The following SCMH1 variants were observed in gnomAD, a reference collection of about 807,000 sequenced individuals.
SCMH1 encodes Scm polycomb group protein homolog 1.
In SCMH1, 37 loss-of-function variants were observed where a neutral mutation model predicts 70.8. The ratio of observed to expected loss-of-function variants is 0.52; its 90% CI spans 0.40 to 0.69. The LOEUF is 0.69. Ranked by LOEUF, SCMH1 falls within the 30% of genes least tolerant of loss-of-function variation. The probability of loss-of-function intolerance (pLI) is 0.00; values close to 1 mark genes in which losing one functional copy is unlikely to be tolerated. For synonymous variants in SCMH1, 292 were observed against 307.4 expected (o/e 0.95, Z 0.52); for missense variants, 607 against 827.3 (o/e 0.73, Z 3.27).
chr1:41,139,280 T>C (rs1011301516), intron 6 of SCMH1, among the ~76,000 whole-genome samples: 1 of 152,192 alleles, frequency 6.6e-6, no homozygotes, highest in Non-Finnish European at 1.5e-5. Flanking sequence ...TTGGCTCTGT[T>C]AGGCCCCCAT....
intron 9 of SCMH1, among the ~76,000 whole-genome samples, chr1:41,074,203 T>C (rs762747004): frequency 2.0e-5 from 3 of 151,710 alleles, no homozygotes; most frequent in Admixed American, 2.0e-4. Context: ...TTTCCAATAC[T>C]AGAATACTAG....
At chr1:41,124,365 CTG>C (rs1429867489) in intron 6 of SCMH1, among the ~76,000 whole-genome samples, 1 of 152,042 alleles carries the variant, frequency 6.6e-6, no homozygotes, top group Non-Finnish European at 1.5e-5. Flanking sequence ...TTCTTTAAAA[CTG>C]TTGATTTTTA....
chr1:41,191,837 G>A (rs564777938), intron 1 of SCMH1, among the ~76,000 whole-genome samples: 1 of 152,250 alleles, frequency 6.6e-6, no homozygotes, highest in South Asian at 2.1e-4. Context: ...GAGACAGAAT[G>A]AGAGAGAATG....
At chr1:41,156,755 A>G (rs560638163) in intron 4 of SCMH1, among the ~76,000 whole-genome samples, 49 of 151,994 alleles carry the variant, frequency 3.2e-4, no homozygotes, top group Non-Finnish European at 6.5e-4. Flanking sequence ...TAAGGGTGGG[A>G]TTAGTGGACA....
At chr1:41,070,670 T>C (rs1482708911) in exon 10 of SCMH1, 5 of 1,613,736 alleles carry the variant, frequency 3.1e-6, no homozygotes, top group Non-Finnish European at 4.2e-6. Context: ...GGTTCAGGAG[T>C]GCTGGTTGTT....
chr1:41,045,080 A>G (rs561246811), intron 12 of SCMH1, among the ~76,000 whole-genome samples: 2 of 152,336 alleles, frequency 1.3e-5, no homozygotes, highest in South Asian at 4.1e-4. Context: ...AATGTAGATC[A>G]GAGTTCCTGA....
rs1646910784 is a variant in SCMH1 at position 41,046,519 on chromosome 1, T to A, written c.1386A>T (p.Lys462Asn). Residue 462 changes from lysine (K) to asparagine (N), a missense_variant, in exon 12 of 15, where the codon AAA becomes AAT. Physicochemically the swap from Lys to Asn is moderately conservative, Grantham distance 94. Transcript: ENST00000337495. ...TGTCACTACGAAGGTTGTGGCAGAG[T>A]TTCTCCAGGAAGCGGAGGACGTAGG... The A allele has an allele frequency of 2.5e-6, 4 of 1,613,748 alleles. No homozygotes were observed. The South Asian group carries it at 4.4e-5, about 18-fold the overall frequency.
intron 6 of SCMH1, among the ~76,000 whole-genome samples, chr1:41,122,166 A>C (rs995071806): frequency 3.3e-5 from 5 of 152,170 alleles, no homozygotes; most frequent in African/African-American, 9.7e-5. Flanking sequence ...AAACAGATCT[A>C]AACTCTTTAT....
intron 1 of SCMH1, among the ~76,000 whole-genome samples, chr1:41,200,350 G>A (rs1654024904): frequency 6.6e-6 from 1 of 151,992 alleles, no homozygotes. Context: ...TGTGGTGGTA[G>A]GCACCTGTAG....
intron 2 of SCMH1, among the ~76,000 whole-genome samples, chr1:41,180,103 A>T (rs181473417): frequency 4.7e-4 from 71 of 152,378 alleles, no homozygotes; most frequent in African/African-American, 1.3e-3. Flanking sequence ...AACAGAACCA[A>T]CGACAAAAAC....
chr1:41,240,251 T>G (rs1370781625), intron 1 of SCMH1, among the ~76,000 whole-genome samples: 1 of 152,192 alleles, frequency 6.6e-6, no homozygotes, highest in Non-Finnish European at 1.5e-5. Context: ...TTGTCTAAGT[T>G]GTAAAAACAC....
At chr1:41,076,545 A>G (rs1440015124) in intron 8 of SCMH1, among the ~76,000 whole-genome samples, 1 of 152,196 alleles carries the variant, frequency 6.6e-6, no homozygotes, top group Non-Finnish European at 1.5e-5. Context: ...AAAATAACAC[A>G]ATATACGGTA....
At chr1:41,124,222 A>G (rs1672623716) in intron 6 of SCMH1, among the ~76,000 whole-genome samples, 1 of 152,140 alleles carries the variant, frequency 6.6e-6, no homozygotes, top group Admixed American at 6.5e-5. Flanking sequence ...GAACTATATG[A>G]AAGTTGGAGA....
chr1:41,071,676 T>C (rs921527935), intron 9 of SCMH1, among the ~76,000 whole-genome samples: 22 of 151,778 alleles, frequency 1.4e-4, no homozygotes, highest in Admixed American at 9.2e-4. Context: ...AAAGCCTTTT[T>C]TTTTGAGACA....
chr1:41,154,436 G>A (rs1645338112), intron 4 of SCMH1, among the ~76,000 whole-genome samples: 1 of 152,110 alleles, frequency 6.6e-6, no homozygotes, highest in Non-Finnish European at 1.5e-5. Flanking sequence ...TCATGTGAAA[G>A]ATGAAGACAA....
At chr1:41,208,689 A>C (rs890341854) in intron 1 of SCMH1, among the ~76,000 whole-genome samples, 1 of 152,194 alleles carries the variant, frequency 6.6e-6, no homozygotes, top group Non-Finnish European at 1.5e-5. Flanking sequence ...ATGAGAACAA[A>C]GAAACAACAT....
intron 10 of SCMH1, among the ~76,000 whole-genome samples, chr1:41,057,990 C>T (rs112126744): frequency 1.5e-4 from 23 of 151,656 alleles, no homozygotes; most frequent in Admixed American, 2.6e-4. Context: ...GGTGTGGTGG[C>T]GTGCGCCTGT....
At chr1:41,090,791 G>A (rs1663196678) in intron 8 of SCMH1, among the ~76,000 whole-genome samples, 1 of 152,154 alleles carries the variant, frequency 6.6e-6, no homozygotes, top group African/African-American at 2.4e-5. Flanking sequence ...TGTAATCCCA[G>A]CACTTTGGGA....
chr1:41,154,392 G>A (rs531636515), intron 4 of SCMH1, among the ~76,000 whole-genome samples: 28 of 152,276 alleles, frequency 1.8e-4, no homozygotes, highest in Non-Finnish European at 3.2e-4. Flanking sequence ...ACTATCTTGG[G>A]TAAATTACTT....
Sources: gnomAD v4.1 joint callset for allele counts (sites outside exome capture counted in the v4.1 genomes callset) on GRCh38, gnomAD v4.1.1 for gene constraint, MANE v1.5 for transcripts, NCBI Gene and HGNC (gene_info 2026-07-23, HGNC 2026-07-21) for gene names.